TH: variants seen among roughly 807,000 people sequenced by gnomAD.
The protein encoded by TH is tyrosine 3-monooxygenase.
Under a neutral mutation model 57.4 loss-of-function variants are expected in TH, and 49 were observed. The observed-to-expected ratio is 0.85, with a 90% CI of 0.68 to 1.08. The LOEUF is 1.08. Among genes scored for constraint, TH ranks in the 50% least tolerant of loss-of-function variants. The probability of loss-of-function intolerance (pLI) is 0.00; values close to 1 mark genes in which losing one functional copy is unlikely to be tolerated. For synonymous variants in TH, 330 were observed against 304.5 expected (o/e 1.08, Z -0.87); for missense variants, 720 against 696.7 (o/e 1.03, Z -0.38).
chr11:2,165,123 C>T, intron 12 of TH, 109 bp downstream of exon 12: 2 of 1,560,466 alleles, frequency 1.3e-6, no homozygotes, highest in South Asian at 2.2e-5. Context: ...TCGGTTTTCT[C>T]ATCTGTGACC....
rs773094935 is a variant in TH at position 2,168,154 on chromosome 11, T to G, written c.513A>C (p.Ser171=). The G allele has an allele frequency of 1.9e-6, 3 of 1,613,578 alleles. No individual in the cohort carries two copies. The highest frequency in any genetic ancestry group is 2.5e-6 in the Non-Finnish European group (3 of 1,179,996). Residue 171 remains serine, a synonymous_variant, in exon 4 of 13, where the codon TCA becomes TCC. Transcript: ENST00000352909. ...CCAGGTGATGACACTTGTCCAGCTC[T>G]GACACTTTTCTTGGGAACCAGGGGA... ...PKVPWFPRKV[S]ELDKCHHLVT...
chr11:2,166,874 C>A lies in TH; in HGVS notation c.841+13G>T. 1 of 1,603,482 alleles carries A rather than the reference C, an allele frequency of 6.2e-7. No individual in the cohort carries two copies. The highest frequency in any genetic ancestry group is 8.5e-7 in the Non-Finnish European group (1 of 1,176,104). On this transcript the variant is annotated intron_variant, in intron 7 of 12. Transcript: ENST00000352909. ...CGGCCCCCCGGCTCTGCGCCCCTCCCGTCTGGGCACACCCTTCAGGAAGCG... is the reference window on the plus strand; with the variant it reads ...CGGCCCCCCGGCTCTGCGCCCCTCCAGTCTGGGCACACCCTTCAGGAAGCG...
In TH at chr11:2,166,225, T is replaced by G. The variant is rs7479936; in HGVS notation, c.1048-167A>C. On this transcript the variant is annotated intron_variant, in intron 9 of 12. Transcript: ENST00000352909. ...TCCGCACCTCCACCGGGCCTCCTCC[T>G]CCAGGCAGCCCTCCTTGACCACATT... 628,667 of 914,382 alleles carry G rather than the reference T, an allele frequency of 0.69. 223,218 individuals are homozygous for G. The highest frequency in any genetic ancestry group is 0.96 in the East Asian group (36,512 of 37,902). The allele number at this position is 914,382 out of a possible 1,614,324, so 56.6% of individuals were successfully genotyped here. A position where few individuals can be genotyped will look rare whatever the true frequency, so the allele number is the denominator to read the frequency against.
rs761759801 is a variant in TH, at chr11:2,171,798, G to T, written c.-12C>A. On this transcript the variant is annotated 5_prime_UTR_variant, in exon 1 of 13. Coordinates refer to ENST00000352909, the MANE Select transcript of TH (RefSeq NM_000360.4). This position sits in a 1 kb window ranked among gnomAD's most constrained non-coding sequence, Gnocchi z 8.6. ...TCGGGGGTGGGCATGGCTCAGTGTG[G>T]AGGTCCGGGCTCCGTCTCCACAGCC... is the stretch of plus-strand genomic sequence containing the variant. The T allele has an allele frequency of 6.2e-7, 1 of 1,609,632 alleles. No individual in the cohort carries two copies. Among genetic ancestry groups the T allele is most frequent in the East Asian group, 2.2e-5 (1 of 44,846 alleles).
chr11:2,168,627 G>T lies in TH; in HGVS notation c.351C>A (p.Pro117=). 1 of 1,611,964 alleles carries T rather than the reference G, an allele frequency of 6.2e-7. No individual in the cohort carries two copies. The highest frequency in any genetic ancestry group is 1.1e-5 in the South Asian group (1 of 91,042). Residue 117 remains proline, a synonymous_variant, in exon 3 of 13, where the codon CCC becomes CCA. Transcript: ENST00000352909. ...GGCCCCCAGCTCGCGGCCTCTGGGC[G>T]GGCCGGGTCTCTAGATGGTGGATTT... The part of the protein sequence containing the change: ...EAKIHHLETR[P]AQRPRAGGPH...
intron 5 of TH, 55 bp downstream of exon 5, chr11:2,167,811 G>T: frequency 3.2e-6 from 5 of 1,548,280 alleles, no homozygotes; most frequent in Non-Finnish European, 4.4e-6. Context: ...CACCCCCCAG[G>T]TCCAGCGTCA....
At position 2,163,981 on chromosome 11, in the gene TH, C is replaced by A; in HGVS notation, c.*252G>T. 2.7e-6 allele frequency: 1 copy of A among 374,366 alleles called. No homozygotes were observed. Among genetic ancestry groups the A allele is most frequent in the Non-Finnish European group, 4.8e-6 (1 of 210,344 alleles). The allele number at this position is 374,366 out of a possible 1,614,324, so 23.2% of individuals were successfully genotyped here. A position where few individuals can be genotyped will look rare whatever the true frequency, so the allele number is the denominator to read the frequency against. ...CGGTGATTGGGGCAGCAGACAGTGT[C>A]AGGGAAGGGCGGAGGGCAGTGCAGC... On this transcript the variant is annotated 3_prime_UTR_variant, in exon 13 of 13. Transcript: ENST00000352909.
At chr11:2,167,518 T>C in intron 5 of TH, 33 bp from the exon 6 acceptor site, 1 of 1,550,760 alleles carries the variant, frequency 6.4e-7, no homozygotes, top group Non-Finnish European at 8.7e-7. Context: ...GCAGGTCCCC[T>C]CGGGGAGTGA....
At chr11:2,167,136 A>AATTT (rs1846121118) in intron 6 of TH, 104 bp from the exon 7 acceptor site, 1 of 1,501,594 alleles carries the variant, frequency 6.7e-7, no homozygotes, top group African/African-American at 1.4e-5. Flanking sequence ...CTACCAACGC[A>AATTT]GGCCTCTTGG....
At position 2,171,267 on chromosome 11, in the gene TH, G is replaced by A. The variant is rs1483156669; in HGVS notation, c.90+430C>T. Among the ~76,000 whole-genome samples the A allele has an allele frequency of 6.6e-6, 1 of 151,962 alleles. No individual in the cohort carries two copies. Among genetic ancestry groups the A allele is most frequent in the African/African-American group, 2.4e-5 (1 of 41,364 alleles). ...GGCTGCCTCCCCAAGCAGGCAGGCT[G>A]GTTGGGGTGCTGACTAGGGCAGCTG... On this transcript the variant is annotated intron_variant, in intron 1 of 12. Transcript: ENST00000352909. This position sits in a 1 kb window ranked among gnomAD's most constrained non-coding sequence, Gnocchi z 8.6.
chr11:2,166,954 CAGCAA>C lies in TH; in HGVS notation c.769_773del (p.Leu257GlyfsTer67). On this transcript the variant is annotated frameshift_variant, in exon 7 of 13. Coordinates refer to ENST00000352909, the MANE Select transcript of TH (RefSeq NM_000360.4). LOFTEE classifies it high-confidence loss of function. ...CTTCCCGGTAGCCGCTGAAGCGCTC[CAGCAA>C]AGCAAAGGCCTCCAGGTGCTCCCCG... 1 of 1,596,494 alleles carries C rather than the reference CAGCAA, an allele frequency of 6.3e-7. No homozygotes were observed. Among genetic ancestry groups the C allele is most frequent in the East Asian group, 2.3e-5 (1 of 44,168 alleles).
intron 11 of TH, 87 bp downstream of exon 11, chr11:2,165,581 T>C (rs1846066910): frequency 6.9e-7 from 1 of 1,454,898 alleles, no homozygotes; most frequent in Non-Finnish European, 9.5e-7. Context: ...AGGCCTCAGT[T>C]TCCTCCCACT....
At chr11:2,169,576 G>A (rs921430885) in intron 2 of TH, 74 bp downstream of exon 2, 2 of 1,453,864 alleles carry the variant, frequency 1.4e-6, no homozygotes, top group African/African-American at 2.8e-5. Flanking sequence ...TGCTATAGAG[G>A]GGTCAGGAAC....
At position 2,165,333 on chromosome 11, in the gene TH, G is replaced by A. The variant is rs768695630; in HGVS notation, c.1233C>T (p.Ala411=). The A allele has an allele frequency of 3.1e-6, 5 of 1,612,098 alleles. No individual in the cohort carries two copies. The highest frequency in any genetic ancestry group is 4.2e-6 in the Non-Finnish European group (5 of 1,179,994). The change falls in exon 12 of 13, where the codon GCC becomes GCT. Residue 411 remains alanine, a synonymous_variant. Transcript: ENST00000352909. ...HCLSEEPEIR[A]FDPEAAAVQP... is the part of the protein sequence containing the mutation. ...GCACGGCCGCAGCCTCAGGGTCGAAGGCCCGAATCTCAGGCTCCTCAGACA... is the reference window on the plus strand; with the variant it reads ...GCACGGCCGCAGCCTCAGGGTCGAAAGCCCGAATCTCAGGCTCCTCAGACA...
At position 2,167,882 on chromosome 11, in the gene TH, C is replaced by A. The variant is rs1260455415; in HGVS notation, c.628G>T (p.Ala210Ser). 1 of 1,608,190 alleles carries A rather than the reference C, an allele frequency of 6.2e-7. No homozygotes were observed. Among genetic ancestry groups the A allele is most frequent in the Middle Eastern group, 1.7e-4 (1 of 6,052 alleles). ...GCCCCTCACTGCCTGTACTGGAAGGCGATCTCAGCAATCAGCTTCCTGCGC... is the reference window on the plus strand; with the variant it reads ...GCCCCTCACTGCCTGTACTGGAAGGAGATCTCAGCAATCAGCTTCCTGCGC... ...RQRRKLIAEI[A>S]FQYRHGDPIP... The change falls in exon 5 of 13, where the codon GCC becomes TCC. Residue 210 changes from alanine (A) to serine (S), a missense_variant. Coordinates refer to ENST00000352909, the MANE Select transcript of TH (RefSeq NM_000360.4).
chr11:2,169,852 C>T lies in TH; in HGVS notation c.110G>A (p.Arg37His), dbSNP rs368122376. Residue 37 changes from arginine (R) to histidine (H), a missense_variant, in exon 2 of 13, where the codon CGC becomes CAC. Physicochemically the swap from Arg to His is conservative, Grantham distance 29. Transcript: ENST00000352909. ...GGCGTCCTCGATGAGGCTCTGCCTG[C>T]GCCCAATGAACCGCGGGGACTGTGG... ...EAIMSPRFIG[R>H]RQSLIEDARK... 86 of 1,610,064 alleles carry T rather than the reference C, an allele frequency of 5.3e-5. No individual in the cohort carries two copies. Among genetic ancestry groups the T allele is most frequent in the South Asian group, 9.9e-5 (9 of 90,950 alleles).
chr11:2,166,740 C>T lies in TH; in HGVS notation c.870G>A (p.Val290=), dbSNP rs1564917932. 5 of 1,549,836 alleles carry T rather than the reference C, an allele frequency of 3.2e-6. No individual in the cohort carries two copies. The highest frequency in any genetic ancestry group is 3.5e-6 in the Non-Finnish European group (4 of 1,146,786). The change falls in exon 8 of 13, where the codon GTG becomes GTA. Residue 290 remains valine, a synonymous_variant. Transcript: ENST00000352909. ...KERTGFQLRP[V]AGLLSARDFL... ...AGTCCCGGGCGGACAGCAGGCCGGC[C>T]ACAGGCCGCAGCTGGAAGCCCGTGC...
Position 2,171,432 on chromosome 11 carries a change from A to G in TH, c.90+265T>C, listed in dbSNP as rs1306618703. ...AGATTCAAGATGAAACAAGACACAG[A>G]GACCCACACGACCCCCGAGAGAGGT... On this transcript the variant is annotated intron_variant, in intron 1 of 12. Coordinates refer to ENST00000352909, the MANE Select transcript of TH (RefSeq NM_000360.4). The surrounding 1 kb of genome is among the most constrained non-coding windows in gnomAD (Gnocchi z 8.6). 6.6e-6 allele frequency among the ~76,000 whole-genome samples: 1 copy of G among 150,542 alleles called. No individual in the cohort carries two copies. The highest frequency in any genetic ancestry group is 2.5e-5 in the African/African-American group (1 of 40,764).
Position 2,170,703 on chromosome 11 carries a change from G to A in TH, c.91-832C>T. 2 of 1,606,036 alleles carry A rather than the reference G, an allele frequency of 1.2e-6. No homozygotes were observed. The highest frequency in any genetic ancestry group is 2.2e-5 in the East Asian group (1 of 44,606). ...CCTCTTACTTACCCTTGGGGTGGGGGTGTAGGATGCAGCTGGGGCTGCAGT... is the reference window on the plus strand; with the variant it reads ...CCTCTTACTTACCCTTGGGGTGGGGATGTAGGATGCAGCTGGGGCTGCAGT... On this transcript the variant is annotated intron_variant, in intron 1 of 12. Coordinates refer to ENST00000352909, the MANE Select transcript of TH (RefSeq NM_000360.4). This position sits in a 1 kb window ranked among gnomAD's most constrained non-coding sequence, Gnocchi z 6.0.
Sources: gnomAD v4.1 joint callset for allele counts (sites outside exome capture counted in the v4.1 genomes callset) on GRCh38, gnomAD v4.1.1 for gene constraint, Gnocchi (gnomAD v3.1) non-coding constraint, MANE v1.5 for transcripts, NCBI Gene and HGNC (gene_info 2026-07-23, HGNC 2026-07-21) for gene names.